EPB41L1: variants seen among roughly 807,000 people sequenced by gnomAD.
EPB41L1 encodes erythrocyte membrane protein band 4.1 like 1.
Under a neutral mutation model 97.8 loss-of-function variants are expected in EPB41L1, and 29 were observed. The ratio of observed to expected loss-of-function variants is 0.30; its 90% CI spans 0.22 to 0.40. The LOEUF (loss-of-function observed/expected upper bound fraction) is 0.40, where lower values mean the gene tolerates loss of function less well. Among genes scored for constraint, EPB41L1 ranks in the 10% least tolerant of loss-of-function variants. EPB41L1 has a pLI of 1.00. For missense variants in EPB41L1, 812 were observed against 1,162.3 expected, an observed-to-expected ratio of 0.70 and a Z score of 4.38; for synonymous variants, 383 against 459.2, an observed-to-expected ratio of 0.83 and a Z score of 2.12.
intron 1 of EPB41L1, among the ~76,000 whole-genome samples, chr20:36,170,848 G>C (rs1398959358): frequency 6.6e-6 from 1 of 152,148 alleles, no homozygotes; most frequent in Non-Finnish European, 1.5e-5. Flanking sequence ...ATCTCAAAAG[G>C]CATCCAGCTC....
chr20:36,178,185 A>G lies in EPB41L1; in HGVS notation c.447+129A>G, dbSNP rs2061329016. 4.0e-6 allele frequency: 3 copies of G among 755,326 alleles called. No individual in the cohort carries two copies. In the Admixed American group the frequency reaches 6.0e-5, roughly 15 times the overall value. The allele number at this position is 755,326 out of a possible 1,614,324, so 46.8% of individuals were successfully genotyped here. A position where few individuals can be genotyped will look rare whatever the true frequency, so the allele number is the denominator to read the frequency against. ...TCTGTTTGCGTGTCCCCAAGGCTCA[A>G]CCAGCCCTATCCACCTGCGGTTCCC... On this transcript the variant is annotated intron_variant, in intron 4 of 21. Coordinates refer to ENST00000338074, the MANE Select transcript of EPB41L1 (RefSeq NM_012156.2).
intron 13 of EPB41L1, chr20:36,197,516 C>T (rs140218281): frequency 3.2e-5 from 14 of 440,720 alleles, no homozygotes; most frequent in African/African-American, 4.3e-5. Flanking sequence ...TGACTAAGAC[C>T]GGGCTTATAG....
intron 20 of EPB41L1, 109 bp from the exon 21 acceptor site, chr20:36,222,169 C>A: frequency 8.9e-7 from 1 of 1,119,276 alleles, no homozygotes; most frequent in Non-Finnish European, 1.4e-6. Flanking sequence ...CTTTGCCCCT[C>A]TCTGGGCCTC....
At chr20:36,159,479 C>A (rs991221300) in intron 1 of EPB41L1, among the ~76,000 whole-genome samples, 2 of 152,164 alleles carry the variant, frequency 1.3e-5, no homozygotes, top group Middle Eastern at 3.2e-3. Context: ...GACTGCTCTG[C>A]GACAGAGGTG....
chr20:36,184,914 G>A (rs1415911142), intron 6 of EPB41L1, among the ~76,000 whole-genome samples: 1 of 152,208 alleles, frequency 6.6e-6, no homozygotes, highest in Admixed American at 6.5e-5. Flanking sequence ...ATTTAGAAAT[G>A]CACAAAAATG....
intron 2 of EPB41L1, among the ~76,000 whole-genome samples, chr20:36,131,724 G>A (rs2059217343): frequency 1.3e-5 from 2 of 152,164 alleles, no homozygotes; most frequent in Non-Finnish European, 2.9e-5. Flanking sequence ...AGAGGAAGGG[G>A]CTGATCTCTC....
At position 36,209,028 on chromosome 20, in the gene EPB41L1, C is replaced by T. The variant is rs987418929; in HGVS notation, c.1669-460C>T. Reference sequence around the variant, plus strand: ...TTTTGTTCCTCAAAGTTCTTGGCTCCAACCTCTCTGCCTTCCCTTCCTGGG... The same window carrying T: ...TTTTGTTCCTCAAAGTTCTTGGCTCTAACCTCTCTGCCTTCCCTTCCTGGG... On this transcript the variant is annotated intron_variant, in intron 14 of 21. Coordinates refer to ENST00000338074, the MANE Select transcript of EPB41L1 (RefSeq NM_012156.2). This position sits in a 1 kb window ranked among gnomAD's most constrained non-coding sequence, Gnocchi z 4.2. Among the ~76,000 whole-genome samples the T allele has an allele frequency of 1.3e-5, 2 of 152,200 alleles. No homozygotes were observed. Among genetic ancestry groups the T allele is most frequent in the Non-Finnish European group, 2.9e-5 (2 of 68,022 alleles).
At chr20:36,179,256 G>A (rs879289425) in intron 5 of EPB41L1, among the ~76,000 whole-genome samples, 6 of 152,076 alleles carry the variant, frequency 3.9e-5, no homozygotes, top group African/African-American at 1.2e-4. Context: ...CATTCAGGAC[G>A]CCAGCTCTAG....
chr20:36,126,803 C>T (rs528558632), intron 2 of EPB41L1, among the ~76,000 whole-genome samples: 7 of 152,332 alleles, frequency 4.6e-5, no homozygotes, highest in African/African-American at 1.7e-4. Context: ...GCTCACATTC[C>T]AGAGAAACTT....
At chr20:36,111,643 C>T (rs192093964) in intron 1 of EPB41L1, among the ~76,000 whole-genome samples, 3 of 152,130 alleles carry the variant, frequency 2.0e-5, no homozygotes, top group Admixed American at 1.3e-4. Context: ...AAAAATTAGC[C>T]GGGCGTTGTG....
At chr20:36,150,072 T>A (rs1600599863), upstream of EPB41L1, among the ~76,000 whole-genome samples, 1 of 148,832 alleles carries the variant, frequency 6.7e-6, no homozygotes, top group Admixed American at 6.7e-5. Context: ...GTTTTTTTGT[T>A]TTTTTTTTTT....
chr20:36,127,731 T>A (rs2059028527), intron 2 of EPB41L1, among the ~76,000 whole-genome samples: 1 of 152,204 alleles, frequency 6.6e-6, no homozygotes, highest in African/African-American at 2.4e-5. Flanking sequence ...AGCTCTGACT[T>A]CCCTGACCAC....
At chr20:36,172,149 G>T (rs1223451076) in intron 1 of EPB41L1, among the ~76,000 whole-genome samples, 1 of 152,130 alleles carries the variant, frequency 6.6e-6, no homozygotes, top group Non-Finnish European at 1.5e-5. Flanking sequence ...GAGTGCAGTG[G>T]CTCAGTGAAA....
chr20:36,178,182 T>C (rs2061328858), intron 4 of EPB41L1, 126 bp downstream of exon 4: 1 of 766,680 alleles, frequency 1.3e-6, no homozygotes, highest in Admixed American at 2.0e-5. Context: ...TCCCCAAGGC[T>C]CAACCAGCCC....
intron 1 of EPB41L1, among the ~76,000 whole-genome samples, chr20:36,159,093 G>GT (rs1490591663): frequency 6.6e-6 from 1 of 152,192 alleles, no homozygotes; most frequent in Non-Finnish European, 1.5e-5. Flanking sequence ...GTAGTGGGTG[G>GT]TTCGCCAGGT....
At chr20:36,199,890 A>T (rs528934961) in intron 14 of EPB41L1, among the ~76,000 whole-genome samples, 3 of 152,278 alleles carry the variant, frequency 2.0e-5, no homozygotes, top group South Asian at 4.1e-4. Flanking sequence ...GGAGTGTCTC[A>T]GTGTAGCCTG....
At chr20:36,219,662 G>A (rs1252477420) in intron 18 of EPB41L1, 99 bp from the exon 19 acceptor site, 11 of 984,086 alleles carry the variant, frequency 1.1e-5, no homozygotes, top group Middle Eastern at 5.2e-4. Flanking sequence ...GCTTCGAAAC[G>A]TCACCTTCAC....
rs1209329723 is a variant in EPB41L1, at chr20:36,204,419, T to A, written c.1669-5069T>A. Reference sequence around the variant, plus strand: ...TCCCAGGCATTGTTTGAAGAACTCTTGGGGGAGGTAGAGGCTGTTGGGAGA... The same window carrying A: ...TCCCAGGCATTGTTTGAAGAACTCTAGGGGGAGGTAGAGGCTGTTGGGAGA... On this transcript the variant is annotated intron_variant, in intron 14 of 21. Coordinates refer to ENST00000338074, the MANE Select transcript of EPB41L1 (RefSeq NM_012156.2). Among the ~76,000 whole-genome samples the A allele has an allele frequency of 3.3e-5, 5 of 150,244 alleles. No homozygotes were observed. In the East Asian group the frequency reaches 9.8e-4, roughly 29 times the overall value.
At chr20:36,170,029 C>T (rs1051084469) in intron 1 of EPB41L1, among the ~76,000 whole-genome samples, 13 of 152,226 alleles carry the variant, frequency 8.5e-5, no homozygotes, top group African/African-American at 3.1e-4. Flanking sequence ...CAGAACCATG[C>T]CCACGTGACG....
Sources: allele counts gnomAD v4.1 joint callset (sites outside exome capture counted in the v4.1 genomes callset), GRCh38; gene constraint gnomAD v4.1.1; non-coding constraint Gnocchi (gnomAD v3.1); transcripts MANE v1.5; gene names NCBI Gene and HGNC (gene_info 2026-07-23, HGNC 2026-07-21).